Variants in NFIC observed in about 807,000 individuals in gnomAD.
NFIC encodes the protein nuclear factor I C.
A neutral mutation model predicts 54.4 loss-of-function variants in NFIC; 12 were observed. That is an observed-to-expected ratio of 0.22 (90% CI 0.14 to 0.36). The LOEUF (loss-of-function observed/expected upper bound fraction) is 0.36, where lower values mean the gene tolerates loss of function less well. Among genes scored for constraint, NFIC ranks in the 10% least tolerant of loss-of-function variants. The pLI, the probability that NFIC is intolerant of heterozygous loss-of-function variation, is 1.00. For missense variants in NFIC, 575 were observed against 718.2 expected, an observed-to-expected ratio of 0.80 and a Z score of 2.28; for synonymous variants, 322 against 319.2, an observed-to-expected ratio of 1.01 and a Z score of -0.09.
Position 3,464,598 on chromosome 19 carries a change from A to T in NFIC, c.*1829A>T. The T allele has an allele frequency of 1.4e-6, 1 of 699,946 alleles. No individual in the cohort carries two copies. Among genetic ancestry groups the T allele is most frequent in the Non-Finnish European group, 1.6e-6 (1 of 610,078 alleles). 43.4% of individuals were successfully genotyped at this position (699,946 alleles called of 1,614,324 possible). On this transcript the variant is annotated 3_prime_UTR_variant, in exon 11 of 11. Transcript: ENST00000443272. ...CCCCCCACCACTGCCCCCTCCCCCG[A>T]CCCAGGCCAAAGCCAGGGCAGGTCT...
chr19:3,432,165 G>T (rs1487221008), intron 3 of NFIC, among the ~76,000 whole-genome samples: 3 of 152,176 alleles, frequency 2.0e-5, no homozygotes, highest in Non-Finnish European at 4.4e-5. Context: ...GTTGGCCAAG[G>T]CTCCCGACCT....
At chr19:3,436,832 T>C (rs2082210843) in intron 6 of NFIC, among the ~76,000 whole-genome samples, 1 of 152,088 alleles carries the variant, frequency 6.6e-6, no homozygotes, top group Admixed American at 6.6e-5. Context: ...GATTCAGGCA[T>C]TGGAGAGACC....
At chr19:3,376,594 C>T (rs2081112708) in intron 1 of NFIC, among the ~76,000 whole-genome samples, 1 of 152,074 alleles carries the variant, frequency 6.6e-6, no homozygotes, top group South Asian at 2.1e-4. Context: ...ATTAGCCAGA[C>T]ATGGTGGTTT....
intron 6 of NFIC, among the ~76,000 whole-genome samples, chr19:3,445,922 C>T (rs559436101): frequency 3.3e-4 from 51 of 152,320 alleles, no homozygotes; most frequent in African/African-American, 1.2e-3. Flanking sequence ...CAGCAGGTCA[C>T]ATCTGGGGAC....
chr19:3,401,672 G>C (rs1431363677), intron 2 of NFIC, among the ~76,000 whole-genome samples: 1 of 152,144 alleles, frequency 6.6e-6, no homozygotes, highest in Non-Finnish European at 1.5e-5. Context: ...GCTCCTGCCA[G>C]GGTCCCAGCC....
Position 3,381,877 on chromosome 19 carries a change from C to T in NFIC, c.196C>T (p.Pro66Ser). ...CAAGGACGAGCTGCTGGGCGAGAAG[C>T]CCGAGGTCAAGCAGAAGTGGGCGTC... Reference protein sequence around the residue: ...AVKDELLGEKPEVKQKWASRL... With the variant: ...AVKDELLGEKSEVKQKWASRL... The change falls in exon 2 of 11, where the codon CCC (proline) becomes TCC (serine). Residue 66 changes from proline to serine, a missense_variant. Coordinates refer to ENST00000443272, the MANE Select transcript of NFIC (RefSeq NM_001245002.2). The T allele has an allele frequency of 6.2e-7, 1 of 1,613,972 alleles. No individual in the cohort carries two copies. The highest frequency in any genetic ancestry group is 1.1e-5 in the South Asian group (1 of 91,088).
At chr19:3,436,323 T>A (rs1482859034) in intron 6 of NFIC, among the ~76,000 whole-genome samples, 12,462 of 146,148 alleles carry the variant, frequency 0.085, 730 homozygotes, top group African/African-American at 0.15. Context: ...TTTTTTTTTT[T>A]TTTTTTTTTT....
chr19:3,466,220 G>A lies in NFIC; in HGVS notation c.*3451G>A, dbSNP rs2082715226. On this transcript the variant is annotated 3_prime_UTR_variant, in exon 11 of 11. Transcript: ENST00000443272. This position sits in a 1 kb window ranked among gnomAD's most constrained non-coding sequence, Gnocchi z 4.8. The stretch of plus-strand genomic sequence containing the variant: ...CTTGTCCTTGATTTTATTTTCTTTT[G>A]TTCTTTTTTTTTTTCTTTTCTTTTT... The A allele has an allele frequency of 9.3e-6, 1 of 107,462 alleles. No homozygotes were observed. The highest frequency in any genetic ancestry group is 5.2e-5 in the African/African-American group (1 of 19,192). 6.7% of individuals were successfully genotyped at this position (107,462 alleles called of 1,614,324 possible). A position where few individuals can be genotyped will look rare whatever the true frequency, so the allele number is the denominator to read the frequency against.
intron 1 of NFIC, among the ~76,000 whole-genome samples, chr19:3,374,248 G>C (rs1049265643): frequency 1.3e-5 from 2 of 152,176 alleles, no homozygotes; most frequent in East Asian, 3.9e-4. Context: ...CGTTCAGCAA[G>C]GTCTTGGGTC....
At position 3,403,808 on chromosome 19, in the gene NFIC, G is replaced by GCCT. The variant is rs141885998; in HGVS notation, c.563-21295_563-21293dup. 8.4e-3 allele frequency among the ~76,000 whole-genome samples: 1,275 copies of GCCT among 152,216 alleles called. 13 individuals are homozygous for GCCT. The highest frequency in any genetic ancestry group is 0.029 in the African/African-American group (1,198 of 41,538). ...CAGAAGGAAGGGGAAGCCGGGAGGG[G>GCCT]CCTCCGCCTCCTCCCGCCACCCCCC... On this transcript the variant is annotated intron_variant, in intron 2 of 10. Transcript: ENST00000443272.
At position 3,370,591 on chromosome 19, in the gene NFIC, TTCTC is replaced by T. The variant is rs1002287705; in HGVS notation, c.30+3934_30+3937del. ...TCCCTTTCCGTCTTTCCCTCTTCCT[TTCTC>T]TCTCTCTCCCCGTCTCCCTTCTCTC... On this transcript the variant is annotated intron_variant, in intron 1 of 10. Coordinates refer to ENST00000443272, the MANE Select transcript of NFIC (RefSeq NM_001245002.2). This position sits in a 1 kb window ranked among gnomAD's most constrained non-coding sequence, Gnocchi z 5.2. Among the ~76,000 whole-genome samples the T allele has an allele frequency of 4.1e-5, 6 of 147,254 alleles. No individual in the cohort carries two copies. In the East Asian group the frequency reaches 6.2e-4, roughly 15 times the overall value.
chr19:3,382,040 G>C lies in NFIC; in HGVS notation c.359G>C (p.Cys120Ser). 6.2e-7 allele frequency: 1 copy of C among 1,613,570 alleles called. No homozygotes were observed. Residue 120 changes from cysteine to serine, a missense_variant, in exon 2 of 11, where the codon TGT (cysteine) becomes TCT (serine). Coordinates refer to ENST00000443272, the MANE Select transcript of NFIC (RefSeq NM_001245002.2). ...DQKGKMRRID[C>S]LRQADKVWRL... ...AAGGGCAAGATGCGGCGCATCGACT[G>C]TCTCCGGCAGGCGGACAAGGTGTGG...
chr19:3,462,243 G>A (rs1010982619), intron 10 of NFIC, among the ~76,000 whole-genome samples: 12 of 151,268 alleles, frequency 7.9e-5, no homozygotes, highest in Non-Finnish European at 1.6e-4. Flanking sequence ...TTATCCAGGT[G>A]TGGCGGTGGA....
intron 2 of NFIC, among the ~76,000 whole-genome samples, chr19:3,416,759 G>A (rs1033218226): frequency 2.6e-5 from 4 of 151,610 alleles, no homozygotes; most frequent in Non-Finnish European, 5.9e-5. Context: ...CCTGACCTCA[G>A]GTGATCCACC....
At chr19:3,372,707 T>TGGGGGGGGGG (rs200447461) in intron 1 of NFIC, among the ~76,000 whole-genome samples, 1 of 88,810 alleles carries the variant, frequency 1.1e-5, no homozygotes, top group African/African-American at 4.4e-5. Context: ...GGCCCAGGAG[T>TGGGGGGGGGG]GGGGTGGGGG....
intron 2 of NFIC, among the ~76,000 whole-genome samples, chr19:3,382,812 T>G (rs1238537077): frequency 6.7e-6 from 1 of 149,180 alleles, no homozygotes; most frequent in Admixed American, 6.7e-5. Flanking sequence ...AGTGATATGG[T>G]GCAAGGAGCG....
At chr19:3,385,566 T>A (rs372501244) in intron 2 of NFIC, among the ~76,000 whole-genome samples, 2 of 135,720 alleles carry the variant, frequency 1.5e-5, no homozygotes, top group Non-Finnish European at 3.1e-5. Context: ...TTTTTTTGGT[T>A]GTTGTTGTTT....
At chr19:3,409,587 C>T (rs958657558) in intron 2 of NFIC, among the ~76,000 whole-genome samples, 20 of 149,766 alleles carry the variant, frequency 1.3e-4, no homozygotes, top group African/African-American at 4.9e-4. Flanking sequence ...TCCCAGTCAC[C>T]AACGGCGGAA....
chr19:3,435,221 CG>C lies in NFIC; in HGVS notation c.958+19del. 2 of 1,565,282 alleles carry C rather than the reference CG, an allele frequency of 1.3e-6. No individual in the cohort carries two copies. The highest frequency in any genetic ancestry group is 1.7e-6 in the Non-Finnish European group (2 of 1,149,546). On this transcript the variant is annotated intron_variant, in intron 6 of 10. Transcript: ENST00000443272. ...ACATGGAAGGAGGTAGGGCTGGTGGCGGGGGCGGAGCCGGCCTTCCGGTCTG... is the reference window on the plus strand; with the variant it reads ...ACATGGAAGGAGGTAGGGCTGGTGGCGGGGCGGAGCCGGCCTTCCGGTCTG...
Sources: allele counts gnomAD v4.1 joint callset (sites outside exome capture counted in the v4.1 genomes callset), GRCh38; gene constraint gnomAD v4.1.1; non-coding constraint Gnocchi (gnomAD v3.1); transcripts MANE v1.5; gene names NCBI Gene and HGNC (gene_info 2026-07-23, HGNC 2026-07-21).